TIAM2: variants seen among roughly 807,000 people sequenced by gnomAD.
TIAM2 encodes rho guanine nucleotide exchange factor TIAM2.
In TIAM2, 80 loss-of-function variants were observed where a neutral mutation model predicts 152.9. That is an observed-to-expected ratio of 0.52 (90% CI 0.44 to 0.63). The LOEUF (loss-of-function observed/expected upper bound fraction) is 0.63, where lower values mean the gene tolerates loss of function less well. TIAM2 is among the 30% of genes least tolerant of loss of function. The probability of loss-of-function intolerance (pLI) is 0.00; values close to 1 mark genes in which losing one functional copy is unlikely to be tolerated. For synonymous variants in TIAM2, 804 were observed against 838.0 expected (o/e 0.96, Z 0.70); for missense variants, 1,965 against 2,120.1 (o/e 0.93, Z 1.44).
Position 155,256,542 on chromosome 6 carries a change from G to C in TIAM2, c.4527G>C (p.Glu1509Asp). 1.2e-6 allele frequency: 2 copies of C among 1,614,196 alleles called. No homozygotes were observed. The highest frequency in any genetic ancestry group is 1.7e-6 in the Non-Finnish European group (2 of 1,180,048). Residue 1509 changes from glutamate (E) to aspartate (D), a missense_variant, in exon 27 of 27, where the codon GAG (glutamate) becomes GAC (aspartate). Coordinates refer to ENST00000682666, the MANE Select transcript of TIAM2 (RefSeq NM_012454.4). ...CCTCCAGCAACGAGTGGACCGGTGA[G>C]ACTGGCAAGGGAACCTTGCTGGACT... is the stretch of plus-strand genomic sequence containing the variant. ...KNSSSNEWTG[E>D]TGKGTLLDSD...
chr6:155,066,859 G>A (rs890588385), intron 1 of TIAM2, among the ~76,000 whole-genome samples: 1 of 151,924 alleles, frequency 6.6e-6, no homozygotes, highest in Non-Finnish European at 1.5e-5. Context: ...AGGTTCAAGC[G>A]ATTCTCCTGC....
At chr6:155,188,340 G>C (rs1781106149) in intron 14 of TIAM2, among the ~76,000 whole-genome samples, 1 of 152,234 alleles carries the variant, frequency 6.6e-6, no homozygotes, top group African/African-American at 2.4e-5. Context: ...GTGATGCTCT[G>C]TGAGGAGCGG....
Position 155,127,470 on chromosome 6 carries a change from C to G in TIAM2, c.-117-20C>G. ...GGAGTAAAACGCTTCACAGAGTTTT[C>G]TTGCGTTTCTGTTTTTCAGGCTCAC... On this transcript the variant is annotated intron_variant, in intron 2 of 26. Coordinates refer to ENST00000682666, the MANE Select transcript of TIAM2 (RefSeq NM_012454.4). The G allele has an allele frequency of 2.3e-6, 1 of 432,374 alleles. No homozygotes were observed. Among genetic ancestry groups the G allele is most frequent in the Non-Finnish European group, 4.6e-6 (1 of 216,802 alleles). 26.8% of individuals were successfully genotyped at this position (432,374 alleles called of 1,614,324 possible). A position where few individuals can be genotyped will look rare whatever the true frequency, so the allele number is the denominator to read the frequency against.
intron 2 of TIAM2, 85 bp downstream of exon 2, chr6:155,090,464 G>A (rs1247998556): frequency 2.0e-5 from 3 of 152,124 alleles, no homozygotes; most frequent in Non-Finnish European, 4.4e-5. Flanking sequence ...ACATTCTCAC[G>A]TAGCTCTGTT....
intron 12 of TIAM2, among the ~76,000 whole-genome samples, chr6:155,181,749 C>T (rs908565641): frequency 5.3e-5 from 8 of 152,244 alleles, no homozygotes; most frequent in African/African-American, 1.9e-4. Context: ...ACTGCTCTAG[C>T]TACTCACGTA....
At chr6:155,091,884 G>T (rs931048076) in intron 2 of TIAM2, among the ~76,000 whole-genome samples, 10 of 152,214 alleles carry the variant, frequency 6.6e-5, no homozygotes, top group African/African-American at 2.4e-4. Context: ...TCTTGCTAGT[G>T]ACCTGGAGTA....
intron 1 of TIAM2, among the ~76,000 whole-genome samples, chr6:155,078,003 C>T (rs949590152): frequency 6.6e-6 from 1 of 152,150 alleles, no homozygotes. Context: ...TTAATGGTGA[C>T]AGTCTAGTGC....
At chr6:155,089,340 G>A (rs1315945150) in intron 1 of TIAM2, among the ~76,000 whole-genome samples, 1 of 152,072 alleles carries the variant, frequency 6.6e-6, no homozygotes, top group African/African-American at 2.4e-5. Flanking sequence ...CCAAGTAGTG[G>A]GGACTACAGG....
chr6:155,102,568 A>G (rs943807197), intron 2 of TIAM2, among the ~76,000 whole-genome samples: 9 of 152,080 alleles, frequency 5.9e-5, no homozygotes, highest in South Asian at 2.1e-4. Context: ...GGGTGTTCCA[A>G]TGCCCCATCT....
rs764788362 is a variant in TIAM2, at chr6:155,165,383, AAGG to A, written c.2338_2340del (p.Glu780del). The stretch of plus-strand genomic sequence containing the variant: ...GCTGGACACACTGGCCAGAAAAGGC[AAGG>A]AGAAGAGACCTTCTATAACTCAGGT... On this transcript the variant is annotated inframe_deletion, in exon 9 of 27. Coordinates refer to ENST00000682666, the MANE Select transcript of TIAM2 (RefSeq NM_012454.4). The A allele has an allele frequency of 1.2e-6, 2 of 1,613,720 alleles. No homozygotes were observed. The highest frequency in any genetic ancestry group is 1.3e-5 in the African/African-American group (1 of 74,904).
intron 1 of TIAM2, chr6:155,016,303 A>G (rs566968028): frequency 3.9e-5 from 6 of 152,328 alleles, no homozygotes; most frequent in Non-Finnish European, 8.8e-5. Flanking sequence ...AAGATGTCAC[A>G]CGTCCATGCC....
intron 1 of TIAM2, among the ~76,000 whole-genome samples, chr6:155,027,045 C>G (rs1057239274): frequency 5.3e-5 from 8 of 151,200 alleles, no homozygotes; most frequent in South Asian, 2.1e-4. Flanking sequence ...TATTTTTTAC[C>G]TTTTTTTTGA....
At chr6:155,130,820 C>T (rs1426251169) in intron 4 of TIAM2, among the ~76,000 whole-genome samples, 1 of 152,172 alleles carries the variant, frequency 6.6e-6, no homozygotes, top group African/African-American at 2.4e-5. Flanking sequence ...CCTCATGCGG[C>T]AGAGAGAGCA....
At chr6:155,112,080 C>T (rs1423914711) in intron 2 of TIAM2, among the ~76,000 whole-genome samples, 1 of 150,558 alleles carries the variant, frequency 6.6e-6, no homozygotes. Context: ...CCCTGAAGTG[C>T]TTTTCCCAAT....
At chr6:155,210,419 A>G (rs1781692407) in intron 14 of TIAM2, among the ~76,000 whole-genome samples, 1 of 151,518 alleles carries the variant, frequency 6.6e-6, no homozygotes, top group South Asian at 2.1e-4. Context: ...CCTGGGCTCA[A>G]GCCATCCTCC....
At chr6:155,155,997 AG>A (rs1780099581) in intron 7 of TIAM2, among the ~76,000 whole-genome samples, 1 of 152,198 alleles carries the variant, frequency 6.6e-6, no homozygotes, top group African/African-American at 2.4e-5. Context: ...TCAGTCTAGC[AG>A]GTGACAGACA....
intron 12 of TIAM2, among the ~76,000 whole-genome samples, chr6:155,180,669 C>G (rs1780882061): frequency 6.6e-6 from 1 of 151,882 alleles, no homozygotes; most frequent in East Asian, 1.9e-4. Flanking sequence ...GTGGCATGAT[C>G]TCGGCTCACT....
chr6:155,020,332 A>C (rs1776450031), intron 1 of TIAM2, among the ~76,000 whole-genome samples: 1 of 152,244 alleles, frequency 6.6e-6, no homozygotes, highest in African/African-American at 2.4e-5. Flanking sequence ...GGAACTTCTG[A>C]AAGATTTTTT....
intron 10 of TIAM2, 72 bp downstream of exon 10, chr6:155,177,049 A>C: frequency 6.7e-7 from 1 of 1,484,326 alleles, no homozygotes; most frequent in Non-Finnish European, 9.0e-7. Flanking sequence ...TATGCCTTCT[A>C]AATTCATGTG....
Sources: allele counts gnomAD v4.1 joint callset (sites outside exome capture counted in the v4.1 genomes callset), GRCh38; gene constraint gnomAD v4.1.1; transcripts MANE v1.5; gene names NCBI Gene and HGNC (gene_info 2026-07-23, HGNC 2026-07-21).